Variants in LIN54 observed in about 807,000 individuals in gnomAD.
LIN54 encodes the protein protein lin-54 homolog.
A neutral mutation model predicts 78.7 loss-of-function variants in LIN54; 9 were observed. The ratio of observed to expected loss-of-function variants is 0.11; its 90% CI spans 0.07 to 0.20. The LOEUF is 0.20. Ranked by LOEUF, LIN54 falls within the 10% of genes least tolerant of loss-of-function variation. LIN54 has a pLI of 1.00. For synonymous variants in LIN54, 269 were observed against 318.4 expected, an observed-to-expected ratio of 0.84 and a Z score of 1.65; for missense variants, 573 against 889.9, an observed-to-expected ratio of 0.64 and a Z score of 4.53.
chr4:82,932,707 C>A lies in LIN54; in HGVS notation c.1846-1562G>T, dbSNP rs370628382. ...AGGCATGGTGGCACATGCCTGTAAT[C>A]TCAGCTACTCGAGAGGCTGAGGCAG... is the stretch of plus-strand genomic sequence containing the variant. On this transcript the variant is annotated intron_variant, in intron 11 of 12. Transcript: ENST00000340417. Among the ~76,000 whole-genome samples the A allele has an allele frequency of 8.0e-5, 12 of 150,906 alleles. No homozygotes were observed. In the South Asian group the frequency reaches 2.5e-3, roughly 32 times the overall value.
At position 82,924,972 on chromosome 4, in the gene LIN54, T is replaced by G. The variant is rs1261883040; in HGVS notation, c.*3130A>C. 1 of 152,666 alleles carries G rather than the reference T, an allele frequency of 6.6e-6. No homozygotes were observed. The highest frequency in any genetic ancestry group is 1.5e-5 in the Non-Finnish European group (1 of 68,042). 9.5% of individuals were successfully genotyped at this position (152,666 alleles called of 1,614,324 possible). A position where few individuals can be genotyped will look rare whatever the true frequency, so the allele number is the denominator to read the frequency against. Reference sequence around the variant, plus strand: ...CAGAACAATAAAAATAGATAACTTTTCTAAAATTATTTTTATTCACATTTT... The same window carrying G: ...CAGAACAATAAAAATAGATAACTTTGCTAAAATTATTTTTATTCACATTTT... On this transcript the variant is annotated 3_prime_UTR_variant, in exon 13 of 13. Coordinates refer to ENST00000340417, the MANE Select transcript of LIN54 (RefSeq NM_194282.4).
chr4:82,947,241 T>A (rs1381876884), intron 4 of LIN54, among the ~76,000 whole-genome samples: 2 of 117,004 alleles, frequency 1.7e-5, no homozygotes, highest in African/African-American at 7.0e-5. Flanking sequence ...ATATATTTTT[T>A]TTTTTTTTGA....
At chr4:83,002,047 A>T (rs1728890945) in intron 1 of LIN54, among the ~76,000 whole-genome samples, 1 of 150,796 alleles carries the variant, frequency 6.6e-6, no homozygotes, top group African/African-American at 2.4e-5. Flanking sequence ...GGACAACTTG[A>T]TGGAGATGAG....
In LIN54 at chr4:82,936,400, T is replaced by C. The variant is rs1465237007; in HGVS notation, c.1605-19A>G. ...ACAATACCTGAAAGGTAAAAGTCAG[T>C]ATAAGGTAAAAAGTCATTATTAAGG... On this transcript the variant is annotated intron_variant, in intron 9 of 12. Transcript: ENST00000340417. 7.2e-7 allele frequency: 1 copy of C among 1,384,498 alleles called. No homozygotes were observed. The highest frequency in any genetic ancestry group is 1.0e-6 in the Non-Finnish European group (1 of 1,001,342). 85.8% of individuals were successfully genotyped at this position (1,384,498 alleles called of 1,614,324 possible). A position where few individuals can be genotyped will look rare whatever the true frequency, so the allele number is the denominator to read the frequency against.
intron 1 of LIN54, among the ~76,000 whole-genome samples, chr4:82,986,243 G>A (rs1327162698): frequency 2.0e-5 from 3 of 151,930 alleles, no homozygotes; most frequent in Non-Finnish European, 4.4e-5. Flanking sequence ...AGCCTCCCAA[G>A]TAGCTGGGAT....
intron 4 of LIN54, among the ~76,000 whole-genome samples, chr4:82,967,439 G>A (rs1578565966): frequency 6.6e-6 from 1 of 152,168 alleles, no homozygotes; most frequent in Admixed American, 6.5e-5. Flanking sequence ...GTAGGGCAAA[G>A]ATTTAGAGGA....
rs545351759 is a variant in LIN54, at chr4:82,967,356, A to G, written c.951+2971T>C. Among the ~76,000 whole-genome samples, 628 of 152,358 alleles carry G rather than the reference A, an allele frequency of 4.1e-3. 9 individuals are homozygous for G. The highest frequency in any genetic ancestry group is 0.015 in the African/African-American group (604 of 41,586). Reference sequence around the variant, plus strand: ...ATATCCTCAAGAGTTTATTCAGAGAATATGTGAACACAGAAACTGGTCCCA... The same window carrying G: ...ATATCCTCAAGAGTTTATTCAGAGAGTATGTGAACACAGAAACTGGTCCCA... On this transcript the variant is annotated intron_variant, in intron 4 of 12. Transcript: ENST00000340417.
At chr4:82,951,917 C>T (rs139383986) in intron 4 of LIN54, among the ~76,000 whole-genome samples, 312 of 152,174 alleles carry the variant, frequency 2.1e-3, no homozygotes, top group Non-Finnish European at 3.5e-3. Flanking sequence ...ACTGAATATC[C>T]GTGTGCAAAA....
chr4:82,959,384 A>G (rs748788781), intron 4 of LIN54, among the ~76,000 whole-genome samples: 4 of 152,116 alleles, frequency 2.6e-5, no homozygotes, highest in Admixed American at 1.3e-4. Flanking sequence ...TGCCCTAGCT[A>G]TTCAGGAGGC....
At chr4:82,976,474 C>A (rs1237882484) in intron 3 of LIN54, among the ~76,000 whole-genome samples, 1 of 152,100 alleles carries the variant, frequency 6.6e-6, no homozygotes, top group Non-Finnish European at 1.5e-5. Context: ...CTTTGGGAGG[C>A]CAAGACAGGT....
At chr4:82,991,006 C>T (rs1463085667) in intron 1 of LIN54, among the ~76,000 whole-genome samples, 1 of 151,846 alleles carries the variant, frequency 6.6e-6, no homozygotes, top group Non-Finnish European at 1.5e-5. Flanking sequence ...TGCAAGGACC[C>T]ATGAAGAAGT....
At chr4:82,964,967 C>T (rs1428286473) in intron 4 of LIN54, among the ~76,000 whole-genome samples, 1 of 152,024 alleles carries the variant, frequency 6.6e-6, no homozygotes, top group Admixed American at 6.6e-5. Context: ...CACTGCACTC[C>T]AGCATGGGCA....
At chr4:82,933,924 C>G (rs1722176441) in intron 11 of LIN54, among the ~76,000 whole-genome samples, 1 of 152,144 alleles carries the variant, frequency 6.6e-6, no homozygotes, top group African/African-American at 2.4e-5. Flanking sequence ...CCCTTCTGAT[C>G]CAACTTTACA....
chr4:82,951,185 G>A (rs1012591866), intron 4 of LIN54, among the ~76,000 whole-genome samples: 2 of 152,072 alleles, frequency 1.3e-5, no homozygotes, highest in Non-Finnish European at 2.9e-5. Flanking sequence ...AAATGATAAA[G>A]TAAGAAAAGA....
intron 1 of LIN54, among the ~76,000 whole-genome samples, chr4:83,000,827 C>CTTTTTCTTTTTTTTTT (rs1728694987): frequency 8.3e-6 from 1 of 120,540 alleles, no homozygotes; most frequent in Non-Finnish European, 1.6e-5. Context: ...GCAATAAATT[C>CTTTTTCTTTTTTTTTT]TTTTTTTTTT....
At chr4:82,972,224 T>A (rs1467378069) in intron 3 of LIN54, among the ~76,000 whole-genome samples, 1 of 152,094 alleles carries the variant, frequency 6.6e-6, no homozygotes, top group African/African-American at 2.4e-5. Context: ...TTAGCTATTT[T>A]TTTTTTATTT....
At chr4:82,929,698 T>C (rs527637639) in intron 12 of LIN54, among the ~76,000 whole-genome samples, 17 of 151,768 alleles carry the variant, frequency 1.1e-4, no homozygotes, top group Middle Eastern at 3.4e-3. Flanking sequence ...CCCAGCTACT[T>C]AGGAGGCTGA....
intron 4 of LIN54, among the ~76,000 whole-genome samples, chr4:82,958,779 T>C (rs1314775859): frequency 6.6e-6 from 1 of 152,168 alleles, no homozygotes; most frequent in Non-Finnish European, 1.5e-5. Context: ...CTCGGCTCAC[T>C]GCAAACTCCG....
intron 1 of LIN54, among the ~76,000 whole-genome samples, chr4:82,997,092 C>A (rs900885954): frequency 1.3e-5 from 2 of 152,060 alleles, no homozygotes; most frequent in Non-Finnish European, 2.9e-5. Flanking sequence ...ACTACTGAAC[C>A]CCCATCCCCT....
Sources: gnomAD v4.1 joint callset for allele counts (sites outside exome capture counted in the v4.1 genomes callset) on GRCh38, gnomAD v4.1.1 for gene constraint, MANE v1.5 for transcripts, NCBI Gene and HGNC (gene_info 2026-07-23, HGNC 2026-07-21) for gene names.